PDE6H: variants seen among roughly 807,000 people sequenced by gnomAD.
PDE6H encodes retinal cone rhodopsin-sensitive cGMP 3',5'-cyclic phosphodiesterase subunit gamma.
A neutral mutation model predicts 9.2 loss-of-function variants in PDE6H; 11 were observed. The observed-to-expected ratio is 1.19, with a 90% CI of 0.75 to 1.97. The LOEUF is 1.97. Among genes scored for constraint, PDE6H ranks in the 30% most tolerant of loss-of-function variants. PDE6H has a pLI of 0.00. For synonymous variants in PDE6H, 36 were observed against 33.6 expected (o/e 1.07, Z -0.25); for missense variants, 98 against 101.5 (o/e 0.97, Z 0.15).
At chr12:14,976,480 A>G (rs1011466923) in intron 1 of PDE6H, among the ~76,000 whole-genome samples, 3 of 152,198 alleles carry the variant, frequency 2.0e-5, no homozygotes, top group Non-Finnish European at 4.4e-5. Context: ...GCCAGTAAAG[A>G]GAGTCATTGT....
At chr12:14,975,035 G>A (rs1408604140) in intron 1 of PDE6H, among the ~76,000 whole-genome samples, 1 of 151,992 alleles carries the variant, frequency 6.6e-6, no homozygotes. Flanking sequence ...AGAGGATTAT[G>A]AAATTTATCC....
At chr12:14,979,245 G>A (rs907599491) in intron 3 of PDE6H, 26 bp downstream of exon 3, 4 of 1,560,870 alleles carry the variant, frequency 2.6e-6, no homozygotes, top group Non-Finnish European at 3.5e-6. Context: ...ATTTAAGTGA[G>A]AACTTCGCAC....
intron 1 of PDE6H, among the ~76,000 whole-genome samples, chr12:14,975,721 T>C (rs975782369): frequency 6.6e-6 from 1 of 151,898 alleles, no homozygotes; most frequent in Admixed American, 6.6e-5. Context: ...TCCTAAAGCC[T>C]GAAAGCTAAT....
At chr12:14,978,486 A>C (rs1466670819) in intron 2 of PDE6H, among the ~76,000 whole-genome samples, 1 of 152,184 alleles carries the variant, frequency 6.6e-6, no homozygotes, top group East Asian at 1.9e-4. Flanking sequence ...ATTTCCAGAA[A>C]ATATAGCTTA....
intron 3 of PDE6H, 36 bp downstream of exon 3, chr12:14,979,255 C>T (rs190674019): frequency 2.7e-6 from 4 of 1,480,432 alleles, no homozygotes; most frequent in Non-Finnish European, 3.8e-6. Flanking sequence ...GAACTTCGCA[C>T]TTGGAGTTCT....
At chr12:14,974,037 T>A (rs1427998144) in intron 1 of PDE6H, among the ~76,000 whole-genome samples, 2 of 152,234 alleles carry the variant, frequency 1.3e-5, no homozygotes, top group South Asian at 4.1e-4. Flanking sequence ...CTTTGCTGCA[T>A]CCACTTATTT....
chr12:14,975,116 T>A (rs970149306), intron 1 of PDE6H, among the ~76,000 whole-genome samples: 12 of 152,320 alleles, frequency 7.9e-5, no homozygotes, highest in South Asian at 2.1e-4. Context: ...GAGTGTACTC[T>A]CTACCGTGTT....
intron 3 of PDE6H, 135 bp from the exon 4 acceptor site, chr12:14,981,265 C>T (rs565747182): frequency 7.9e-5 from 60 of 763,358 alleles, no homozygotes; most frequent in Admixed American, 3.5e-4. Flanking sequence ...CACAGGGCCA[C>T]GCTAGGGAAC....
intron 3 of PDE6H, 110 bp downstream of exon 3, chr12:14,979,329 AG>A (rs1864646902): frequency 1.4e-6 from 1 of 739,730 alleles, no homozygotes; most frequent in Admixed American, 2.0e-5. Flanking sequence ...CCAAGGCAGA[AG>A]ATCTGTGAAG....
chr12:14,980,077 T>C (rs948813457), intron 3 of PDE6H, among the ~76,000 whole-genome samples: 1 of 152,152 alleles, frequency 6.6e-6, no homozygotes, highest in African/African-American at 2.4e-5. Flanking sequence ...TAGTACATAT[T>C]GCAGTACATA....
chr12:14,975,743 G>A (rs1864582645), intron 1 of PDE6H, among the ~76,000 whole-genome samples: 1 of 151,928 alleles, frequency 6.6e-6, no homozygotes, highest in African/African-American at 2.4e-5. Context: ...ACTTCTCTGT[G>A]CTCTGATGGA....
intron 3 of PDE6H, among the ~76,000 whole-genome samples, chr12:14,980,863 C>A (rs971072741): frequency 3.3e-5 from 5 of 152,144 alleles, no homozygotes; most frequent in Non-Finnish European, 1.5e-5. Context: ...ATAATAACAT[C>A]TTATTGTCTA....
At chr12:14,974,733 T>A (rs1227272643) in intron 1 of PDE6H, among the ~76,000 whole-genome samples, 2 of 152,184 alleles carry the variant, frequency 1.3e-5, no homozygotes, top group Admixed American at 1.3e-4. Context: ...AGTCGGGGTG[T>A]TTGAAGGAAG....
intron 3 of PDE6H, among the ~76,000 whole-genome samples, chr12:14,980,038 T>G (rs1864657886): frequency 6.6e-6 from 1 of 152,166 alleles, no homozygotes; most frequent in South Asian, 2.1e-4. Context: ...GTTCTAAGGG[T>G]TTTGATAAAT....
chr12:14,976,895 G>A lies in PDE6H; in HGVS notation c.-41-1077G>A, dbSNP rs1157089579. 5.9e-5 allele frequency among the ~76,000 whole-genome samples: 9 copies of A among 152,052 alleles called. No homozygotes were observed. The East Asian group carries it at 1.7e-3, about 29-fold the overall frequency. ...GTTTTGTTAACTCTTACGAAAGAAA[G>A]GAAGAAAGAAAATAACGTCATCCAA... is the stretch of plus-strand genomic sequence containing the variant. On this transcript the variant is annotated intron_variant, in intron 1 of 3. Transcript: ENST00000266395.
intron 1 of PDE6H, among the ~76,000 whole-genome samples, chr12:14,975,366 T>C (rs1168953471): frequency 3.4e-5 from 3 of 89,026 alleles, no homozygotes; most frequent in South Asian, 4.1e-4. Flanking sequence ...GGGTGTCTTG[T>C]AATTTTTTTT....
chr12:14,974,633 T>G (rs935698590), intron 1 of PDE6H, among the ~76,000 whole-genome samples: 1 of 152,242 alleles, frequency 6.6e-6, no homozygotes, highest in Non-Finnish European at 1.5e-5. Flanking sequence ...CACGTGTGAT[T>G]TTTAAATTCT....
intron 2 of PDE6H, among the ~76,000 whole-genome samples, chr12:14,978,679 C>A (rs1242908974): frequency 6.6e-6 from 1 of 152,166 alleles, no homozygotes; most frequent in Non-Finnish European, 1.5e-5. Flanking sequence ...GCTATCATAA[C>A]TTACATTATA....
chr12:14,977,345 A>G (rs2120824839), intron 1 of PDE6H, among the ~76,000 whole-genome samples: 1 of 152,334 alleles, frequency 6.6e-6, no homozygotes, highest in South Asian at 2.1e-4. Flanking sequence ...GGACTATAAA[A>G]AAACAGAGGC....
Sources: allele counts gnomAD v4.1 joint callset (sites outside exome capture counted in the v4.1 genomes callset), GRCh38; gene constraint gnomAD v4.1.1; transcripts MANE v1.5; gene names NCBI Gene and HGNC (gene_info 2026-07-23, HGNC 2026-07-21).